The following REM1 variants were observed in gnomAD, a reference collection of about 807,000 sequenced individuals.
REM1 encodes the protein RRAD and GEM like GTPase 1.
Under a neutral mutation model 27.0 loss-of-function variants are expected in REM1, and 20 were observed. The ratio of observed to expected loss-of-function variants is 0.74; its 90% CI spans 0.52 to 1.08. The LOEUF is 1.08. Ranked by LOEUF, REM1 falls within the 50% of genes least tolerant of loss-of-function variation. The probability of loss-of-function intolerance (pLI) is 0.00; values close to 1 mark genes in which losing one functional copy is unlikely to be tolerated. For synonymous variants in REM1, 159 were observed against 167.9 expected, an observed-to-expected ratio of 0.95 and a Z score of 0.41; for missense variants, 405 against 407.0, an observed-to-expected ratio of 1.00 and a Z score of 0.04.
intron 2 of REM1, 34 bp downstream of exon 2, chr20:31,476,819 C>T: frequency 6.5e-7 from 1 of 1,540,024 alleles, no homozygotes; most frequent in South Asian, 1.3e-5. Context: ...GGGATGTGGC[C>T]AAAGGAGCGA....
rs1980836587 is a variant in REM1 at position 31,484,220 on chromosome 20, G to C, written c.687G>C (p.Gln229His). 1 of 1,609,438 alleles carries C rather than the reference G, an allele frequency of 6.2e-7. No homozygotes were observed. The highest frequency in any genetic ancestry group is 8.5e-7 in the Non-Finnish European group (1 of 1,178,786). ...CKFIETSATLQHNVAELFEGV... is the reference protein window; with the variant it reads ...CKFIETSATLHHNVAELFEGV... ...TCATCGAGACATCCGCCACGCTGCA[G>C]CACAATGTGGCCGAGCTCTTCGAGG... Residue 229 changes from glutamine to histidine, a missense_variant, in exon 5 of 5, where the codon CAG (glutamine) becomes CAC (histidine). Coordinates refer to ENST00000201979, the MANE Select transcript of REM1 (RefSeq NM_014012.6).
intron 4 of REM1, 61 bp downstream of exon 4, chr20:31,482,549 C>G: frequency 6.7e-7 from 1 of 1,496,332 alleles, no homozygotes; most frequent in Non-Finnish European, 9.2e-7. Flanking sequence ...GCTGCTCCTC[C>G]AGCGCTCTTC....
rs748546153 is a variant in REM1, at chr20:31,484,278, G to T, written c.745G>T (p.Asp249Tyr). The change falls in exon 5 of 5, where the codon GAC (aspartate) becomes TAC (tyrosine). Residue 249 changes from aspartate to tyrosine, a missense_variant. Transcript: ENST00000201979. ...VVRQLRLRRR[D>Y]SAAKEPPAPR... ...GCGCCAACTGCGCTTGCGCCGCCGG[G>T]ACAGTGCGGCCAAGGAACCCCCAGC... is the stretch of plus-strand genomic sequence containing the variant. The T allele has an allele frequency of 8.2e-6, 13 of 1,593,614 alleles. No homozygotes were observed. The highest frequency in any genetic ancestry group is 1.3e-5 in the African/African-American group (1 of 74,872).
Position 31,476,439 on chromosome 20 carries a change from AC to A in REM1, c.-5del, listed in dbSNP as rs1473476670. On this transcript the variant is annotated 5_prime_UTR_variant, in exon 2 of 5. Coordinates refer to ENST00000201979, the MANE Select transcript of REM1 (RefSeq NM_014012.6). ...AGAAGGAAGAAGCAAACCCCCCCCT[AC>A]CAAAGATGACACTCAACACCGAGCA... 6.5e-7 allele frequency: 1 copy of A among 1,543,106 alleles called. No individual in the cohort carries two copies. Among genetic ancestry groups the A allele is most frequent in the Non-Finnish European group, 8.7e-7 (1 of 1,148,724 alleles).
intron 3 of REM1, among the ~76,000 whole-genome samples, chr20:31,481,804 C>G (rs1980743370): frequency 6.6e-6 from 1 of 152,200 alleles, no homozygotes; most frequent in South Asian, 2.1e-4. Flanking sequence ...GCTCCTTCAC[C>G]TCCATCTTCA....
At chr20:31,476,012 T>C (rs1980481214) in intron 1 of REM1, among the ~76,000 whole-genome samples, 1 of 152,172 alleles carries the variant, frequency 6.6e-6, no homozygotes, top group East Asian at 1.9e-4. Context: ...AATTCAGATG[T>C]CTTTCAGAGC....
chr20:31,484,550 T>C lies in REM1; in HGVS notation c.*120T>C. On this transcript the variant is annotated 3_prime_UTR_variant, in exon 5 of 5. Coordinates refer to ENST00000201979, the MANE Select transcript of REM1 (RefSeq NM_014012.6). ...TGCATCATGGGTCTTGCTTGCCTGC[T>C]GCCCTGATGGCCTGAGCATCCCCCA... 2.4e-6 allele frequency: 3 copies of C among 1,236,846 alleles called. No homozygotes were observed. Among genetic ancestry groups the C allele is most frequent in the Non-Finnish European group, 3.2e-6 (3 of 934,384 alleles). 76.6% of individuals were successfully genotyped at this position (1,236,846 alleles called of 1,614,324 possible).
In REM1 at chr20:31,476,384, A is replaced by T; in HGVS notation, c.-62A>T. The T allele has an allele frequency of 8.2e-6, 11 of 1,336,234 alleles. No individual in the cohort carries two copies. The highest frequency in any genetic ancestry group is 1.0e-5 in the Non-Finnish European group (10 of 966,546). The allele number at this position is 1,336,234 out of a possible 1,614,324, so 82.8% of individuals were successfully genotyped here. On this transcript the variant is annotated 5_prime_UTR_variant, in exon 2 of 5. Transcript: ENST00000201979. ...AGAAGCAGCTCAAAGCAATTGGCTG[A>T]CAGCCAATTCCCCCTTCTTTCAGAA...
rs936393192 is a variant in REM1, at chr20:31,476,252, A to C, written c.-194A>C. ...GTTTATGCAGAGCCTGAGGCCAGAA[A>C]ACCTAGGGACTTTCTGCCCCAAGAA... On this transcript the variant is annotated 5_prime_UTR_variant, in exon 2 of 5. Coordinates refer to ENST00000201979, the MANE Select transcript of REM1 (RefSeq NM_014012.6). 17 of 561,166 alleles carry C rather than the reference A, an allele frequency of 3.0e-5. No individual in the cohort carries two copies. The highest frequency in any genetic ancestry group is 2.8e-4 in the African/African-American group (15 of 53,202). 34.8% of individuals were successfully genotyped at this position (561,166 alleles called of 1,614,324 possible). A position where few individuals can be genotyped will look rare whatever the true frequency, so the allele number is the denominator to read the frequency against.
Position 31,477,883 on chromosome 20 carries a change from C to G in REM1, c.396C>G (p.Val132=). ...ATGGAGAAGACACCACACTGGTGGTCGTGGACACCTGGGAGGCCGAGAAAC... is the reference window on the plus strand; with the variant it reads ...ATGGAGAAGACACCACACTGGTGGTGGTGGACACCTGGGAGGCCGAGAAAC... ...TVDGEDTTLV[V]VDTWEAEKLD... is the part of the protein sequence containing the mutation. The change falls in exon 3 of 5, where the codon GTC becomes GTG. Residue 132 remains valine, a synonymous_variant. Transcript: ENST00000201979. 1.9e-6 allele frequency: 3 copies of G among 1,612,344 alleles called. No homozygotes were observed. The highest frequency in any genetic ancestry group is 2.5e-6 in the Non-Finnish European group (3 of 1,179,182).
chr20:31,484,361 AGCCC>A lies in REM1; in HGVS notation c.831_834del (p.Arg278AlafsTer63). The A allele has an allele frequency of 6.4e-7, 1 of 1,558,804 alleles. No homozygotes were observed. The highest frequency in any genetic ancestry group is 8.7e-7 in the Non-Finnish European group (1 of 1,152,520). On this transcript the variant is annotated frameshift_variant, in exon 5 of 5. Coordinates refer to ENST00000201979, the MANE Select transcript of REM1 (RefSeq NM_014012.6). LOFTEE classifies it high-confidence loss of function. The stretch of plus-strand genomic sequence containing the variant: ...CTCGTCGCTTCCTGGCACGCCTGAC[AGCCC>A]GCAGCGCACGCCGCCGGGCACTCAA...
intron 2 of REM1, among the ~76,000 whole-genome samples, chr20:31,477,087 G>C (rs1169862347): frequency 6.6e-6 from 1 of 152,128 alleles, no homozygotes; most frequent in Admixed American, 6.5e-5. Flanking sequence ...TGAATTCCAT[G>C]TTAAGAAATG....
intron 3 of REM1, 90 bp from the exon 4 acceptor site, chr20:31,482,197 C>G (rs1980754097): frequency 8.4e-7 from 1 of 1,183,678 alleles, no homozygotes; most frequent in Non-Finnish European, 1.2e-6. Flanking sequence ...CCTCAAGCTG[C>G]ATCCCACCCA....
At chr20:31,484,133 C>T in intron 4 of REM1, 26 bp from the exon 5 acceptor site, 3 of 1,549,652 alleles carry the variant, frequency 1.9e-6, no homozygotes, top group African/African-American at 1.4e-5. Flanking sequence ...GGCTCCACCC[C>T]TCCTCGCCGG....
intron 2 of REM1, among the ~76,000 whole-genome samples, chr20:31,477,231 C>T (rs761300522): frequency 3.3e-5 from 5 of 151,976 alleles, no homozygotes; most frequent in Non-Finnish European, 5.9e-5. Context: ...AGGGAGACTC[C>T]GAGACCCCAA....
Position 31,477,839 on chromosome 20 carries a change from G to A in REM1, c.352G>A (p.Glu118Lys). The A allele has an allele frequency of 1.9e-6, 3 of 1,612,852 alleles. No individual in the cohort carries two copies. The highest frequency in any genetic ancestry group is 2.5e-6 in the Non-Finnish European group (3 of 1,179,674). ...TCCCTCGGTTGCAGAAGATGTATAT[G>A]AGAGGACCCTCACGGTGGATGGAGA... ...LHEQLGEDVY[E>K]RTLTVDGEDT... is the part of the protein sequence containing the mutation. The change falls in exon 3 of 5, where the codon GAG becomes AAG. Residue 118 changes from glutamate (E) to lysine (K), a missense_variant. Physicochemically the swap from Glu to Lys is moderately conservative, Grantham distance 56 (BLOSUM62 1). Transcript: ENST00000201979.
chr20:31,484,012 T>A, intron 4 of REM1, 147 bp from the exon 5 acceptor site: 2 of 881,998 alleles, frequency 2.3e-6, no homozygotes, highest in South Asian at 2.0e-5. Flanking sequence ...CAAAGACCAG[T>A]CTGATTTATC....
At chr20:31,482,201 C>A in intron 3 of REM1, 86 bp from the exon 4 acceptor site, 1 of 1,255,460 alleles carries the variant, frequency 8.0e-7, no homozygotes, top group Non-Finnish European at 1.1e-6. Context: ...AAGCTGCATC[C>A]CACCCATTAG....
In REM1 at chr20:31,484,690, C is replaced by A. The variant is rs1212494214; in HGVS notation, c.*260C>A. ...GGTGGGTGTCTTTTTGTAAAAAAAT[C>A]TTCCTTGTCCCTGGGCTCTGGCCAA... is the stretch of plus-strand genomic sequence containing the variant. On this transcript the variant is annotated 3_prime_UTR_variant, in exon 5 of 5. Transcript: ENST00000201979. 6.2e-6 allele frequency: 3 copies of A among 484,590 alleles called. No homozygotes were observed. The highest frequency in any genetic ancestry group is 1.1e-5 in the Non-Finnish European group (3 of 280,588). 30.0% of individuals were successfully genotyped at this position (484,590 alleles called of 1,614,324 possible).
Sources: allele counts gnomAD v4.1 joint callset (sites outside exome capture counted in the v4.1 genomes callset), GRCh38; gene constraint gnomAD v4.1.1; transcripts MANE v1.5; gene names NCBI Gene and HGNC (gene_info 2026-07-23, HGNC 2026-07-21).